FANCI: variants seen among roughly 807,000 people sequenced by gnomAD.
The protein encoded by FANCI is FA complementation group I.
FANCI carries 156 observed loss-of-function variants against 176.1 expected under a neutral mutation model. The ratio of observed to expected loss-of-function variants is 0.89; its 90% CI spans 0.78 to 1.01. FANCI has a LOEUF of 1.01. Ranked by LOEUF, FANCI falls within the 50% of genes least tolerant of loss-of-function variation. The pLI is 0.00. For missense variants in FANCI, 1,678 were observed against 1,534.1 expected, an observed-to-expected ratio of 1.09 and a Z score of -1.57; for synonymous variants, 613 against 541.7, an observed-to-expected ratio of 1.13 and a Z score of -1.83.
Position 89,286,312 on chromosome 15 carries a change from G to C in FANCI, c.1821+1094G>C, listed in dbSNP as rs1004150735. Among the ~76,000 whole-genome samples, 3 of 152,274 alleles carry C rather than the reference G, an allele frequency of 2.0e-5. No homozygotes were observed. The East Asian group carries it at 5.8e-4, about 29-fold the overall frequency. ...CTGGCCTAACTTAGTTTTTATAAAA[G>C]CAACTTCTTTTTCTTTTTGCACTGG... On this transcript the variant is annotated intron_variant, in intron 18 of 37. Coordinates refer to ENST00000310775, the MANE Select transcript of FANCI (RefSeq NM_001113378.2).
intron 2 of FANCI, 35 bp from the exon 3 acceptor site, chr15:89,258,668 GT>G (rs747524892): frequency 2.0e-6 from 3 of 1,525,610 alleles, no homozygotes; most frequent in Non-Finnish European, 2.7e-6. Flanking sequence ...GTAAAAGACT[GT>G]TGCCAGAGAC....
chr15:89,305,335 C>G lies in FANCI; in HGVS notation c.3187-6C>G, dbSNP rs761878145. On this transcript the variant is annotated splice_region_variant and splice_polypyrimidine_tract_variant and intron_variant, in intron 29 of 37. Coordinates refer to ENST00000310775, the MANE Select transcript of FANCI (RefSeq NM_001113378.2). The stretch of plus-strand genomic sequence containing the variant: ...CATTAGGTCTCACCTCTCTTCTTTT[C>G]CCCAGGATGTAGAGGTGGAGAAAAC... 1.2e-6 allele frequency: 2 copies of G among 1,614,168 alleles called. No individual in the cohort carries two copies. The highest frequency in any genetic ancestry group is 2.2e-5 in the South Asian group (2 of 91,082).
rs563185483 is a variant in FANCI, at chr15:89,316,707, C to G, written c.*248C>G. 34 of 1,509,244 alleles carry G rather than the reference C, an allele frequency of 2.3e-5. No homozygotes were observed. The Admixed American group carries it at 4.0e-4, about 18-fold the overall frequency. 93.5% of individuals were successfully genotyped at this position (1,509,244 alleles called of 1,614,324 possible). On this transcript the variant is annotated 3_prime_UTR_variant, in exon 38 of 38. Coordinates refer to ENST00000310775, the MANE Select transcript of FANCI (RefSeq NM_001113378.2). The stretch of plus-strand genomic sequence containing the variant: ...CCTGAGTTTGGGAGCCTGCACCACC[C>G]CGATGAAGCTCCACGGGAGCAAATA...
chr15:89,277,676 G>A (rs7173818), intron 13 of FANCI, among the ~76,000 whole-genome samples: 2,277 of 151,536 alleles, frequency 0.015, 60 homozygotes, highest in African/African-American at 0.053. Flanking sequence ...AACCAAAATG[G>A]GAAATGTACA....
At chr15:89,314,844 CCCCCCTT>C in intron 36 of FANCI, 137 bp downstream of exon 36, 1 of 555,628 alleles carries the variant, frequency 1.8e-6, no homozygotes. Context: ...TCTCCCCCCC[CCCCCCTT>C]TTTTTTTTTG....
chr15:89,285,937 T>C (rs2053797622), intron 18 of FANCI, among the ~76,000 whole-genome samples: 1 of 152,096 alleles, frequency 6.6e-6, no homozygotes, highest in Non-Finnish European at 1.5e-5. Context: ...CTCTAATTTA[T>C]CAGAAATTGG....
At chr15:89,266,064 A>G (rs1197197092) in intron 9 of FANCI, among the ~76,000 whole-genome samples, 1 of 145,914 alleles carries the variant, frequency 6.9e-6, no homozygotes, top group Non-Finnish European at 1.5e-5. Context: ...TGGCACCATC[A>G]TAGCTCACTA....
At chr15:89,272,595 C>G (rs72762643) in intron 10 of FANCI, among the ~76,000 whole-genome samples, 2,021 of 152,232 alleles carry the variant, frequency 0.013, 13 homozygotes, top group Middle Eastern at 0.051. Flanking sequence ...ATGTTTTCCT[C>G]TAAAAATATT....
rs998764851 is a variant in FANCI at position 89,303,915 on chromosome 15, G to C, written c.3058G>C (p.Glu1020Gln). ...TSKICKENSR[E>Q]DALFCKSLMN... is the part of the protein sequence containing the mutation. ...AAAGATTTGCAAGGAAAACAGCCGGGGTAAGTTTACTGCCATGTTTTCCTA... is the reference window on the plus strand; with the variant it reads ...AAAGATTTGCAAGGAAAACAGCCGGCGTAAGTTTACTGCCATGTTTTCCTA... The change falls in exon 28 of 38, where the codon GAG becomes CAG. Residue 1020 changes from glutamate to glutamine, a missense_variant and splice_region_variant. Coordinates refer to ENST00000310775, the MANE Select transcript of FANCI (RefSeq NM_001113378.2). 1.9e-6 allele frequency: 3 copies of C among 1,613,726 alleles called. No individual in the cohort carries two copies. In the African/African-American group the frequency reaches 4.0e-5, roughly 22 times the overall value.
Position 89,292,805 on chromosome 15 carries a change from GAT to G in FANCI, c.2115_2116del (p.Leu706GlyfsTer5). 1 of 1,614,102 alleles carries G rather than the reference GAT, an allele frequency of 6.2e-7. No individual in the cohort carries two copies. Among genetic ancestry groups the G allele is most frequent in the Non-Finnish European group, 8.5e-7 (1 of 1,179,994 alleles). On this transcript the variant is annotated frameshift_variant, in exon 21 of 38. Transcript: ENST00000310775. LOFTEE classifies it high-confidence loss of function. ...AGAGGCATTCTACGAAGACCTAGAT[GAT>G]ATATTGGAGTCCATTACTAATAGAA... ...EEEAFYEDLDDILESITNRMI... is the reference protein window; with the variant it reads ...EEEAFYEDLDXILESITNRMI...
intron 7 of FANCI, 151 bp from the exon 8 acceptor site, chr15:89,263,752 A>C (rs765027030): frequency 3.1e-6 from 3 of 959,002 alleles, no homozygotes; most frequent in Non-Finnish European, 4.7e-6. Flanking sequence ...GACAGTTATA[A>C]TAATCTATTA....
In FANCI at chr15:89,294,038, A is replaced by G. The variant is rs552473899; in HGVS notation, c.2456+41A>G. On this transcript the variant is annotated intron_variant, in intron 23 of 37. Coordinates refer to ENST00000310775, the MANE Select transcript of FANCI (RefSeq NM_001113378.2). ...AGTGCTTAAAGACAGCCACTCCCTG[A>G]GGATCGTATACCTACCTAGGCTCAC... 351 of 1,605,590 alleles carry G rather than the reference A, an allele frequency of 2.2e-4. 3 individuals are homozygous for G. In the South Asian group the frequency reaches 3.7e-3, roughly 17 times the overall value.
chr15:89,314,361 C>T lies in FANCI; in HGVS notation c.3721-251C>T, dbSNP rs193289313. Among the ~76,000 whole-genome samples, 16 of 152,330 alleles carry T rather than the reference C, an allele frequency of 1.1e-4. No individual in the cohort carries two copies. The East Asian group carries it at 2.1e-3, about 20-fold the overall frequency. Reference sequence around the variant, plus strand: ...TTTCTACAAGTGATCCTGCCCTCCTCAGCCATTTTCTAGATAACAACAAAT... The same window carrying T: ...TTTCTACAAGTGATCCTGCCCTCCTTAGCCATTTTCTAGATAACAACAAAT... On this transcript the variant is annotated intron_variant, in intron 35 of 37. Transcript: ENST00000310775.
intron 12 of FANCI, among the ~76,000 whole-genome samples, chr15:89,275,112 G>A (rs1452093193): frequency 8.1e-6 from 1 of 123,680 alleles, no homozygotes; most frequent in African/African-American, 2.9e-5. Context: ...TTCTGAAGAC[G>A]TAGGAACTTT....
rs1281627877 is a variant in FANCI at position 89,283,175 on chromosome 15, G to A, written c.1623G>A (p.Leu541=). 6.2e-7 allele frequency: 1 copy of A among 1,614,112 alleles called. No homozygotes were observed. The highest frequency in any genetic ancestry group is 1.7e-5 in the Admixed American group (1 of 60,000). Reference sequence around the variant, plus strand: ...GAAAATCTGCAGTTGCTGGGTTTTTGCTGCTCCTGAAGAACTTTAAAGTTT... The same window carrying A: ...GAAAATCTGCAGTTGCTGGGTTTTTACTGCTCCTGAAGAACTTTAAAGTTT... ...DARKSAVAGF[L]LLLKNFKVLG... Residue 541 remains leucine, a synonymous_variant, in exon 17 of 38, where the codon TTG becomes TTA. Coordinates refer to ENST00000310775, the MANE Select transcript of FANCI (RefSeq NM_001113378.2).
chr15:89,269,729 C>T (rs949215748), intron 10 of FANCI, among the ~76,000 whole-genome samples: 2 of 152,116 alleles, frequency 1.3e-5, no homozygotes, highest in Non-Finnish European at 1.5e-5. Context: ...AATGTACTAA[C>T]GAGTGTGGCT....
chr15:89,301,302 G>A (rs374925474), intron 26 of FANCI, 24 bp from the exon 27 acceptor site: 1 of 1,488,734 alleles, frequency 6.7e-7, no homozygotes, highest in Non-Finnish European at 9.4e-7. Flanking sequence ...AACATTGCTT[G>A]CTGTGTGTGC....
At chr15:89,265,320 G>A (rs2052894236) in intron 9 of FANCI, among the ~76,000 whole-genome samples, 1 of 152,044 alleles carries the variant, frequency 6.6e-6, no homozygotes, top group African/African-American at 2.4e-5. Context: ...TGATTCTCCT[G>A]CCTCAGCCTC....
intron 2 of FANCI, among the ~76,000 whole-genome samples, chr15:89,253,797 G>C (rs1332000632): frequency 7.7e-6 from 1 of 130,130 alleles, no homozygotes; most frequent in African/African-American, 3.0e-5. Context: ...GGGGGGGGGG[G>C]GGAAGATAAA....
Sources: allele counts gnomAD v4.1 joint callset (sites outside exome capture counted in the v4.1 genomes callset), GRCh38; gene constraint gnomAD v4.1.1; transcripts MANE v1.5; gene names NCBI Gene and HGNC (gene_info 2026-07-23, HGNC 2026-07-21).